Variants in USP47 observed in about 807,000 individuals in gnomAD.
USP47 encodes the protein ubiquitin specific peptidase 47, also known as ubiquitin carboxyl-terminal hydrolase 47.
A neutral mutation model predicts 165.1 loss-of-function variants in USP47; 35 were observed. The ratio of observed to expected loss-of-function variants is 0.21; its 90% confidence interval spans 0.16 to 0.28. The LOEUF is 0.28. Ranked by LOEUF, USP47 falls within the 10% of genes least tolerant of loss-of-function variation. USP47 has a pLI of 1.00. For synonymous variants in USP47, 531 were observed against 544.5 expected, an observed-to-expected ratio of 0.98 and a Z score of 0.35; for missense variants, 1,277 against 1,607.4, an observed-to-expected ratio of 0.79 and a Z score of 3.52.
intron 8 of USP47, among the ~76,000 whole-genome samples, chr11:11,913,276 A>AC (rs1261800104): frequency 1.3e-5 from 2 of 149,310 alleles, no homozygotes; most frequent in Non-Finnish European, 3.0e-5. Flanking sequence ...AAAAAAAAAA[A>AC]ACAACACCTG....
chr11:11,910,547 G>A (rs1254378116), intron 8 of USP47, among the ~76,000 whole-genome samples: 1 of 152,034 alleles, frequency 6.6e-6, no homozygotes, highest in African/African-American at 2.4e-5. Context: ...CAGGGGTAAA[G>A]AGGCGAGCCC....
At position 11,897,734 on chromosome 11, in the gene USP47, G is replaced by A. The variant is rs1211019990; in HGVS notation, c.593+41G>A. ...AATTGTATACATAAAATTGATTTAA[G>A]AATGAAAATATCACTTTTAACAAAA... On this transcript the variant is annotated intron_variant, in intron 5 of 27. Transcript: ENST00000527733. 6.5e-6 allele frequency: 9 copies of A among 1,380,354 alleles called. No individual in the cohort carries two copies. In the African/African-American group the frequency reaches 1.3e-4, roughly 20 times the overall value. 85.5% of individuals were successfully genotyped at this position (1,380,354 alleles called of 1,614,324 possible).
At chr11:11,948,204 G>T (rs1352175386) in intron 21 of USP47, 84 bp downstream of exon 21, 11 of 1,441,958 alleles carry the variant, frequency 7.6e-6, no homozygotes, top group African/African-American at 2.9e-5. Context: ...CAAGTGAGGT[G>T]AAGTAGATAA....
intron 8 of USP47, among the ~76,000 whole-genome samples, chr11:11,917,366 G>A (rs1853498527): frequency 6.6e-6 from 1 of 152,134 alleles, no homozygotes; most frequent in Non-Finnish European, 1.5e-5. Flanking sequence ...GTTCATTAGA[G>A]GATGAGCTTA....
In USP47 at chr11:11,902,630, T is replaced by C. The variant is rs953993099; in HGVS notation, c.594-85T>C. On this transcript the variant is annotated intron_variant, in intron 5 of 27. Transcript: ENST00000527733. ...TGTATAGCTTCCAGGATTAAAATCTTACATTATTATGATTTTGATATTAAT... is the reference window on the plus strand; with the variant it reads ...TGTATAGCTTCCAGGATTAAAATCTCACATTATTATGATTTTGATATTAAT... The C allele has an allele frequency of 1.2e-5, 12 of 1,028,126 alleles. No homozygotes were observed. The South Asian group carries it at 3.8e-4, about 33-fold the overall frequency. The allele number at this position is 1,028,126 out of a possible 1,614,324, so 63.7% of individuals were successfully genotyped here.
chr11:11,956,415 A>G lies in USP47; in HGVS notation c.*240A>G, dbSNP rs1295150188. 1 of 341,324 alleles carries G rather than the reference A, an allele frequency of 2.9e-6. No individual in the cohort carries two copies. The highest frequency in any genetic ancestry group is 2.1e-5 in the African/African-American group (1 of 47,162). The allele number at this position is 341,324 out of a possible 1,614,324, so 21.1% of individuals were successfully genotyped here. On this transcript the variant is annotated 3_prime_UTR_variant, in exon 28 of 28. Coordinates refer to ENST00000527733, the MANE Select transcript of USP47 (RefSeq NM_001282659.2). ...GTGAAAAGGGATGTGCAAAAAAATA[A>G]AAAAAAACAACAAAAAAAGCTAACC... is the stretch of plus-strand genomic sequence containing the variant.
intron 1 of USP47, 40 bp from the exon 2 acceptor site, chr11:11,880,137 A>T: frequency 7.4e-7 from 1 of 1,355,590 alleles, no homozygotes; most frequent in Non-Finnish European, 9.7e-7. Flanking sequence ...GTTTTGCTTT[A>T]AAGATAATAT....
At chr11:11,920,124 A>C (rs753166629) in intron 8 of USP47, 32 bp from the exon 9 acceptor site, 18 of 1,479,544 alleles carry the variant, frequency 1.2e-5, no homozygotes, top group Non-Finnish European at 1.5e-5. Flanking sequence ...TAATATTTTA[A>C]GTAATTATAA....
intron 14 of USP47, among the ~76,000 whole-genome samples, chr11:11,931,427 A>C (rs1304264779): frequency 6.6e-6 from 1 of 152,164 alleles, no homozygotes; most frequent in African/African-American, 2.4e-5. Flanking sequence ...AAATAAATGG[A>C]AATTATAGTA....
chr11:11,913,258 C>CA (rs796881838), intron 8 of USP47, among the ~76,000 whole-genome samples: 31,900 of 79,550 alleles, frequency 0.4, 4,687 homozygotes, highest in Admixed American at 0.51. Flanking sequence ...ATCCCTTGTA[C>CA]AAAAAAAAAA....
At chr11:11,927,034 A>C (rs1854302427) in intron 11 of USP47, among the ~76,000 whole-genome samples, 1 of 133,482 alleles carries the variant, frequency 7.5e-6, no homozygotes, top group African/African-American at 2.5e-5. Flanking sequence ...ATTGATTTCT[A>C]GTTTCTCTCC....
At chr11:11,912,296 A>G (rs923528440) in intron 8 of USP47, among the ~76,000 whole-genome samples, 9 of 152,040 alleles carry the variant, frequency 5.9e-5, no homozygotes, top group African/African-American at 2.2e-4. Context: ...CTCTTTGAAA[A>G]GACAATAAAA....
At chr11:11,919,957 G>C (rs1351916168) in intron 8 of USP47, among the ~76,000 whole-genome samples, 199 bp from the exon 9 acceptor site, 1 of 151,734 alleles carries the variant, frequency 6.6e-6, no homozygotes, top group African/African-American at 2.4e-5. Flanking sequence ...ATCTTGTGTA[G>C]AATGAAATAA....
At chr11:11,945,581 A>G (rs1855766536) in intron 20 of USP47, among the ~76,000 whole-genome samples, 1 of 152,072 alleles carries the variant, frequency 6.6e-6, no homozygotes, top group Non-Finnish European at 1.5e-5. Flanking sequence ...CAAGATAAAT[A>G]AAGATGGTAG....
At position 11,890,171 on chromosome 11, in the gene USP47, G is replaced by A. The variant is rs557778514; in HGVS notation, c.358-1797G>A. On this transcript the variant is annotated intron_variant, in intron 3 of 27. Transcript: ENST00000527733. ...CAGATTTCATGATGAAATTCCAAAA[G>A]CAATTGCAACAAAAGCAAAAATTGA... is the stretch of plus-strand genomic sequence containing the variant. Among the ~76,000 whole-genome samples the A allele has an allele frequency of 3.3e-5, 5 of 152,214 alleles. No homozygotes were observed. The South Asian group carries it at 6.2e-4, about 19-fold the overall frequency.
At chr11:11,927,499 C>T (rs771799378) in intron 11 of USP47, among the ~76,000 whole-genome samples, 15 of 152,096 alleles carry the variant, frequency 9.9e-5, no homozygotes, top group Non-Finnish European at 1.6e-4. Flanking sequence ...CCGTATGGCC[C>T]AGAAAGCCTA....
In USP47 at chr11:11,936,350, T is replaced by G; in HGVS notation, c.1917T>G (p.Val639=). 1 of 1,607,382 alleles carries G rather than the reference T, an allele frequency of 6.2e-7. No homozygotes were observed. Among genetic ancestry groups the G allele is most frequent in the Non-Finnish European group, 8.5e-7 (1 of 1,175,726 alleles). Residue 639 remains valine, a synonymous_variant, in exon 17 of 28, where the codon GTT becomes GTG. Transcript: ENST00000527733. ...EVIPLDCCRL[V]KYDEFHDYLE... is the part of the protein sequence containing the mutation. ...TACCCCTGGATTGCTGTCGCCTTGT[T>G]AAATATGATGAGTTTCATGATTATC...
intron 3 of USP47, among the ~76,000 whole-genome samples, chr11:11,885,339 C>A (rs1168775375): frequency 6.6e-6 from 1 of 152,124 alleles, no homozygotes; most frequent in African/African-American, 2.4e-5. Context: ...TATCCAAGTT[C>A]TCGCACTGAG....
In USP47 at chr11:11,842,096, A is replaced by T; in HGVS notation, c.-90A>T. On this transcript the variant is annotated 5_prime_UTR_variant, in exon 1 of 28. Coordinates refer to ENST00000527733, the MANE Select transcript of USP47 (RefSeq NM_001282659.2). ...TGGAGCGCAGGCGGCGGAGAGGATG[A>T]CTGCCGCTGCCATTCTCTCTTGAGC... 6.8e-7 allele frequency: 1 copy of T among 1,468,140 alleles called. No individual in the cohort carries two copies. The highest frequency in any genetic ancestry group is 9.2e-7 in the Non-Finnish European group (1 of 1,082,938). 90.9% of individuals were successfully genotyped at this position (1,468,140 alleles called of 1,614,324 possible).
Sources: allele counts gnomAD v4.1 joint callset (sites outside exome capture counted in the v4.1 genomes callset), GRCh38; gene constraint gnomAD v4.1.1; transcripts MANE v1.5; gene names NCBI Gene and HGNC (gene_info 2026-07-23, HGNC 2026-07-21).